PDCD6: variants seen among roughly 807,000 people sequenced by gnomAD.
The protein encoded by PDCD6 is programmed cell death protein 6.
A neutral mutation model predicts 28.3 loss-of-function variants in PDCD6; 12 were observed. The observed-to-expected ratio is 0.42, with a 90% CI of 0.27 to 0.69. The LOEUF is 0.69. PDCD6 is among the 30% of genes least tolerant of loss of function. The probability of loss-of-function intolerance (pLI) is 0.22; values close to 1 mark genes in which losing one functional copy is unlikely to be tolerated. For synonymous variants in PDCD6, 92 were observed against 108.0 expected (o/e 0.85, Z 0.92); for missense variants, 226 against 269.9 (o/e 0.84, Z 1.14).
rs770951720 is a variant in PDCD6 at position 314,498 on chromosome 5, G to A, written c.559G>A (p.Val187Ile). 1.9e-6 allele frequency: 3 copies of A among 1,612,978 alleles called. No individual in the cohort carries two copies. Among genetic ancestry groups the A allele is most frequent in the South Asian group, 2.2e-5 (2 of 91,074 alleles). Residue 187 changes from valine to isoleucine, a missense_variant, in exon 6 of 6, where the codon GTC becomes ATC. This residue lies in a region of PDCD6 where 151 missense variants were observed against 177.2 expected (regional missense o/e 0.85). Transcript: ENST00000264933. ...QVSYEQYLSM[V>I]FSIV Reference sequence around the variant, plus strand: ...GTCGTACGAACAGTACCTGTCCATGGTCTTCAGTATCGTATGACCCTGGCC... The same window carrying A: ...GTCGTACGAACAGTACCTGTCCATGATCTTCAGTATCGTATGACCCTGGCC...
At chr5:298,633 A>G (rs1345543047) in intron 2 of PDCD6, among the ~76,000 whole-genome samples, 1 of 73,654 alleles carries the variant, frequency 1.4e-5, no homozygotes, top group Admixed American at 1.7e-4. Flanking sequence ...GCCCCCACCC[A>G]GCTGCTCCCC....
intron 2 of PDCD6, among the ~76,000 whole-genome samples, chr5:287,337 A>T (rs539657074): frequency 1.3e-5 from 2 of 152,054 alleles, no homozygotes; most frequent in African/African-American, 2.4e-5. Flanking sequence ...AGAGAGAGAG[A>T]GTTTCAGGAC....
chr5:280,178 G>A (rs1420005828), intron 2 of PDCD6, among the ~76,000 whole-genome samples: 1 of 151,964 alleles, frequency 6.6e-6, no homozygotes, highest in Admixed American at 6.6e-5. Flanking sequence ...GAGCTCAGCG[G>A]GTTGAGAGGA....
At chr5:275,849 C>G (rs1738161363) in intron 2 of PDCD6, among the ~76,000 whole-genome samples, 1 of 152,196 alleles carries the variant, frequency 6.6e-6, no homozygotes, top group Non-Finnish European at 1.5e-5. Context: ...GTGGTTTGCT[C>G]CTCACATGTG....
intron 2 of PDCD6, among the ~76,000 whole-genome samples, chr5:282,046 G>A (rs1200645765): frequency 2.0e-5 from 3 of 151,670 alleles, no homozygotes; most frequent in African/African-American, 7.3e-5. Context: ...ACAGATAGGA[G>A]CTGATGTTGT....
rs762870078 is a variant in PDCD6 at position 271,813 on chromosome 5, T to C, written c.93T>C (p.Val31=). ...ALPDQSFLWN[V]FQRVDKDRSG... ...CGGACCAGAGCTTCCTGTGGAACGT[T>C]TTCCAGAGGTGCGGCCTGGCACCGC... Residue 31 remains valine (V), a synonymous_variant, in exon 1 of 6, where the codon GTT becomes GTC. Transcript: ENST00000264933. 12 of 1,441,680 alleles carry C rather than the reference T, an allele frequency of 8.3e-6. No individual in the cohort carries two copies. The highest frequency in any genetic ancestry group is 5.1e-4 in the Middle Eastern group (2 of 3,918). 89.3% of individuals were successfully genotyped at this position (1,441,680 alleles called of 1,614,324 possible).
chr5:299,399 C>T (rs1173402318), intron 2 of PDCD6, among the ~76,000 whole-genome samples: 2 of 149,850 alleles, frequency 1.3e-5, no homozygotes, highest in East Asian at 4.0e-4. Context: ...CCGTGATCAG[C>T]CCATCGGTTT....
At position 279,783 on chromosome 5, in the gene PDCD6, C is replaced by CAA. The variant is rs35224887; in HGVS notation, c.163+7033_163+7034dup. The stretch of plus-strand genomic sequence containing the variant: ...GTGCAGCAGTCATTAAAAGTAATGG[C>CAA]AAAAAAAAAAAAAAAAAAAAAAACG... On this transcript the variant is annotated intron_variant, in intron 2 of 5. Transcript: ENST00000264933. Among the ~76,000 whole-genome samples the CAA allele has an allele frequency of 4.9e-3, 371 of 75,534 alleles. 7 individuals are homozygous for CAA. The highest frequency in any genetic ancestry group is 9.4e-3 in the Middle Eastern group (1 of 106). The allele number at this position is 75,534 out of a possible 152,430, so 49.6% of individuals were successfully genotyped here.
At chr5:281,269 G>A (rs1738545990) in intron 2 of PDCD6, among the ~76,000 whole-genome samples, 1 of 152,252 alleles carries the variant, frequency 6.6e-6, no homozygotes, top group African/African-American at 2.4e-5. Flanking sequence ...TCGTAAGAAG[G>A]GATTGGTCAG....
At chr5:292,019 C>T (rs1403023919) in intron 2 of PDCD6, among the ~76,000 whole-genome samples, 6 of 152,206 alleles carry the variant, frequency 3.9e-5, no homozygotes, top group African/African-American at 4.8e-5. Context: ...CCGTTCTTAG[C>T]AGGGCGTGGT....
At chr5:282,278 G>A (rs532559038) in intron 2 of PDCD6, among the ~76,000 whole-genome samples, 6 of 141,728 alleles carry the variant, frequency 4.2e-5, no homozygotes, top group Admixed American at 7.0e-5. Flanking sequence ...AAATCGGGGG[G>A]GGGGGAGCTG....
intron 2 of PDCD6, among the ~76,000 whole-genome samples, chr5:287,941 T>A (rs1324046104): frequency 1.3e-5 from 2 of 152,202 alleles, no homozygotes; most frequent in African/African-American, 2.4e-5. Flanking sequence ...CATATCAGCT[T>A]CATAAACATT....
At chr5:302,111 T>TGTG (rs1561046622) in intron 2 of PDCD6, among the ~76,000 whole-genome samples, 53 of 115,524 alleles carry the variant, frequency 4.6e-4, no homozygotes, top group Non-Finnish European at 6.7e-4. Context: ...TGTGTGTGCC[T>TGTG]TGGGTTCAGG....
At chr5:286,817 G>A (rs1293540014) in intron 2 of PDCD6, among the ~76,000 whole-genome samples, 1 of 152,172 alleles carries the variant, frequency 6.6e-6, no homozygotes, top group Non-Finnish European at 1.5e-5. Context: ...ATGGTCCTGC[G>A]GTTCAAATAT....
At chr5:312,941 G>T (rs919747591) in intron 5 of PDCD6, among the ~76,000 whole-genome samples, 4 of 152,216 alleles carry the variant, frequency 2.6e-5, no homozygotes, top group Non-Finnish European at 4.4e-5. Flanking sequence ...CTTCATTTGA[G>T]GTTATGTTCT....
Position 306,747 on chromosome 5 carries a change from CCT to C in PDCD6, c.358_359del (p.Ser120ArgfsTer8). ...TCGATAAGAACGAGCTGAAGCAGGC[CCT>C]CTCAGGTTTCGGTAACTCACTCACT... is the stretch of plus-strand genomic sequence containing the variant. Reference protein sequence around the residue: ...MIDKNELKQALSGFGYRLSDQ... With the variant: ...MIDKNELKQAXSGFGYRLSDQ... On this transcript the variant is annotated frameshift_variant, in exon 4 of 6. Transcript: ENST00000264933. The C allele has an allele frequency of 1.9e-6, 3 of 1,613,762 alleles. No individual in the cohort carries two copies. The highest frequency in any genetic ancestry group is 2.2e-5 in the East Asian group (1 of 44,874).
At chr5:291,342 C>T (rs1378734216) in intron 2 of PDCD6, among the ~76,000 whole-genome samples, 1 of 152,216 alleles carries the variant, frequency 6.6e-6, no homozygotes, top group Non-Finnish European at 1.5e-5. Flanking sequence ...CTCTGAGCAT[C>T]TGCTCTGTCT....
chr5:275,472 C>T (rs1303597840), intron 2 of PDCD6, among the ~76,000 whole-genome samples: 1 of 152,212 alleles, frequency 6.6e-6, no homozygotes, highest in Non-Finnish European at 1.5e-5. Flanking sequence ...AAACGTTTAC[C>T]TGATGACATT....
chr5:282,728 G>A (rs905681283), intron 2 of PDCD6, among the ~76,000 whole-genome samples: 51 of 151,976 alleles, frequency 3.4e-4, no homozygotes, highest in African/African-American at 1.2e-3. Context: ...TAGATTTAGG[G>A]TCATGGAACT....
Sources: allele counts gnomAD v4.1 joint callset (sites outside exome capture counted in the v4.1 genomes callset), GRCh38; gene constraint gnomAD v4.1.1; regional missense constraint gnomAD v4.1.1; transcripts MANE v1.5; gene names NCBI Gene and HGNC (gene_info 2026-07-23, HGNC 2026-07-21).